Variants in MACROD2 observed in about 807,000 individuals in gnomAD.
MACROD2 encodes the protein mono-ADP ribosylhydrolase 2.
In MACROD2, 36 loss-of-function variants were observed where a neutral mutation model predicts 70.4. The observed-to-expected ratio is 0.51, with a 90% CI of 0.39 to 0.68. MACROD2 has a LOEUF of 0.68. MACROD2 is among the 30% of genes least tolerant of loss of function. The pLI is 0.00. For missense variants in MACROD2, 496 were observed against 538.4 expected (o/e 0.92, Z 0.78); for synonymous variants, 172 against 178.8 (o/e 0.96, Z 0.30).
rs139908230 is a variant in MACROD2, at chr20:14,358,533, G to A, written c.272-134946G>A. Among the ~76,000 whole-genome samples, 674 of 151,680 alleles carry A rather than the reference G, an allele frequency of 4.4e-3. 3 individuals are homozygous for A. The highest frequency in any genetic ancestry group is 0.015 in the African/African-American group (620 of 41,344). On this transcript the variant is annotated intron_variant, in intron 3 of 17. Transcript: ENST00000684519. ...GTGCAGTGGTGCAATCTCGGCTCAC[G>A]GCAACCTCTGCCTCCCTGGTTCAAG...
At chr20:15,867,165 A>G (rs1343512570) in intron 9 of MACROD2, among the ~76,000 whole-genome samples, 1 of 152,196 alleles carries the variant, frequency 6.6e-6, no homozygotes, top group Non-Finnish European at 1.5e-5. Context: ...TAAGGATACC[A>G]GTCAAATGGG....
chr20:14,970,880 G>A (rs1301237168), intron 5 of MACROD2, among the ~76,000 whole-genome samples: 3 of 151,982 alleles, frequency 2.0e-5, no homozygotes, highest in South Asian at 2.1e-4. Flanking sequence ...GCCTCCCAAA[G>A]CACTAGGATT....
chr20:15,907,964 A>G (rs560808079), intron 10 of MACROD2, among the ~76,000 whole-genome samples: 1 of 152,286 alleles, frequency 6.6e-6, no homozygotes, highest in East Asian at 1.9e-4. Flanking sequence ...TTTTATTTTC[A>G]TGACTACACT....
intron 5 of MACROD2, among the ~76,000 whole-genome samples, chr20:14,712,000 A>C (rs1041032091): frequency 6.6e-5 from 10 of 152,166 alleles, no homozygotes; most frequent in African/African-American, 2.4e-4. Flanking sequence ...AGGTTTAATG[A>C]AACTAGAAAA....
intron 3 of MACROD2, among the ~76,000 whole-genome samples, chr20:14,221,006 A>G (rs572789145): frequency 6.6e-6 from 1 of 152,318 alleles, no homozygotes; most frequent in East Asian, 1.9e-4. Context: ...TGCTCTGTCC[A>G]GAGCTGCAAT....
intron 5 of MACROD2, among the ~76,000 whole-genome samples, chr20:14,755,136 G>A (rs1157040568): frequency 6.6e-6 from 1 of 151,984 alleles, no homozygotes; most frequent in African/African-American, 2.4e-5. Context: ...AAATTAGGGT[G>A]GGTGGAGAAA....
intron 3 of MACROD2, among the ~76,000 whole-genome samples, chr20:14,181,183 C>T (rs1046244961): frequency 1.3e-5 from 2 of 151,678 alleles, no homozygotes; most frequent in Admixed American, 6.6e-5. Flanking sequence ...ATCCATCCAC[C>T]TCAGCCTCCC....
At chr20:15,599,916 T>A (rs542126614) in intron 8 of MACROD2, among the ~76,000 whole-genome samples, 28 of 152,242 alleles carry the variant, frequency 1.8e-4, no homozygotes, top group African/African-American at 6.7e-4. Context: ...TATCCAGACC[T>A]TTTAAATCCC....
chr20:14,939,490 T>A (rs542299178), intron 5 of MACROD2, among the ~76,000 whole-genome samples: 21 of 152,298 alleles, frequency 1.4e-4, no homozygotes, highest in African/African-American at 4.8e-4. Context: ...TTGGTTACTA[T>A]AGCTCTGCAG....
At chr20:14,709,351 C>A (rs955245871) in intron 5 of MACROD2, among the ~76,000 whole-genome samples, 10 of 151,940 alleles carry the variant, frequency 6.6e-5, no homozygotes, top group Non-Finnish European at 1.5e-4. Flanking sequence ...GTGGCTTGTG[C>A]AAAATCTTTT....
At chr20:14,705,100 G>A (rs535596554) in intron 5 of MACROD2, among the ~76,000 whole-genome samples, 1 of 151,982 alleles carries the variant, frequency 6.6e-6, no homozygotes, top group East Asian at 1.9e-4. Flanking sequence ...TGTGACAAGA[G>A]CAATTATATC....
chr20:15,399,867 T>C (rs2045907014), intron 6 of MACROD2, among the ~76,000 whole-genome samples: 1 of 152,056 alleles, frequency 6.6e-6, no homozygotes, highest in Non-Finnish European at 1.5e-5. Flanking sequence ...AAAAAGAAAA[T>C]CTGAGTTGGA....
intron 8 of MACROD2, among the ~76,000 whole-genome samples, chr20:15,799,780 G>T (rs2063707567): frequency 6.6e-6 from 1 of 152,104 alleles, no homozygotes; most frequent in Non-Finnish European, 1.5e-5. Flanking sequence ...TAAAATATTT[G>T]ATTTCCTTTC....
chr20:15,520,329 C>T (rs1357514273), intron 8 of MACROD2, among the ~76,000 whole-genome samples: 1 of 152,136 alleles, frequency 6.6e-6, no homozygotes, highest in African/African-American at 2.4e-5. Context: ...GGCAAATACC[C>T]ACAGGGAGTG....
chr20:15,999,782 T>A (rs2066684041), intron 15 of MACROD2, among the ~76,000 whole-genome samples: 1 of 152,230 alleles, frequency 6.6e-6, no homozygotes, highest in Non-Finnish European at 1.5e-5. Context: ...AGTGTAAGTA[T>A]AGCCACCTTG....
chr20:14,988,223 G>C (rs989187952), intron 5 of MACROD2, among the ~76,000 whole-genome samples: 1 of 151,950 alleles, frequency 6.6e-6, no homozygotes, highest in Non-Finnish European at 1.5e-5. Flanking sequence ...AACTAGCAGG[G>C]CGAGGTGGCG....
At chr20:15,054,329 A>G (rs1286191034) in intron 5 of MACROD2, among the ~76,000 whole-genome samples, 2 of 152,084 alleles carry the variant, frequency 1.3e-5, no homozygotes, top group Non-Finnish European at 2.9e-5. Flanking sequence ...TTAATTGGCT[A>G]ACTTCTTTGT....
intron 6 of MACROD2, among the ~76,000 whole-genome samples, chr20:15,357,847 C>T (rs1361682064): frequency 6.7e-6 from 1 of 149,210 alleles, no homozygotes; most frequent in Non-Finnish European, 1.5e-5. Context: ...TGCTGTGTCG[C>T]CCAGGCTGGA....
At chr20:14,024,285 G>C (rs2053126607) in intron 2 of MACROD2, among the ~76,000 whole-genome samples, 1 of 152,080 alleles carries the variant, frequency 6.6e-6, no homozygotes, top group Non-Finnish European at 1.5e-5. Flanking sequence ...TAGGAAATTT[G>C]GGGGCTGAGA....
Sources: gnomAD v4.1 joint callset for allele counts (sites outside exome capture counted in the v4.1 genomes callset) on GRCh38, gnomAD v4.1.1 for gene constraint, MANE v1.5 for transcripts, NCBI Gene and HGNC (gene_info 2026-07-23, HGNC 2026-07-21) for gene names.